FCHSD2: variants seen among roughly 807,000 people sequenced by gnomAD.
The protein encoded by FCHSD2 is FCH and double SH3 domains 2, also known as F-BAR and double SH3 domains protein 2.
Under a neutral mutation model 108.1 loss-of-function variants are expected in FCHSD2, and 38 were observed. That is an observed-to-expected ratio of 0.35 (90% CI 0.27 to 0.46). FCHSD2 has a LOEUF of 0.46. Among genes scored for constraint, FCHSD2 ranks in the 20% least tolerant of loss-of-function variants. The pLI, the probability that FCHSD2 is intolerant of heterozygous loss-of-function variation, is 1.00. For missense variants in FCHSD2, 751 were observed against 897.8 expected (o/e 0.84, Z 2.09); for synonymous variants, 279 against 314.7 (o/e 0.89, Z 1.20).
intron 2 of FCHSD2, among the ~76,000 whole-genome samples, chr11:73,114,783 G>A (rs909695209): frequency 6.6e-6 from 1 of 152,028 alleles, no homozygotes; most frequent in Non-Finnish European, 1.5e-5. Flanking sequence ...TGGTTGAGCT[G>A]GTATCCAAGA....
At chr11:72,937,996 T>C (rs1856337087) in intron 8 of FCHSD2, among the ~76,000 whole-genome samples, 1 of 152,182 alleles carries the variant, frequency 6.6e-6, no homozygotes, top group Admixed American at 6.5e-5. Flanking sequence ...AGAATAATGC[T>C]GGCTGGAGTC....
At chr11:73,019,662 C>T (rs956014977) in intron 3 of FCHSD2, among the ~76,000 whole-genome samples, 2 of 152,148 alleles carry the variant, frequency 1.3e-5, no homozygotes, top group African/African-American at 2.4e-5. Context: ...ATCATGACTT[C>T]TGTGTACTCC....
At chr11:72,929,233 T>C (rs1490268006) in intron 8 of FCHSD2, among the ~76,000 whole-genome samples, 2 of 152,226 alleles carry the variant, frequency 1.3e-5, no homozygotes, top group Non-Finnish European at 2.9e-5. Flanking sequence ...TTTGGGTATA[T>C]ACCCAGTAAT....
At chr11:73,076,906 C>T (rs1859566817) in intron 3 of FCHSD2, among the ~76,000 whole-genome samples, 2 of 151,784 alleles carry the variant, frequency 1.3e-5, no homozygotes, top group African/African-American at 2.4e-5. Context: ...GTCAGGAGAT[C>T]GAGACCAACC....
chr11:73,022,524 C>A (rs932747959), intron 3 of FCHSD2, among the ~76,000 whole-genome samples: 2 of 152,108 alleles, frequency 1.3e-5, no homozygotes, highest in African/African-American at 4.8e-5. Context: ...GTATAAATCC[C>A]ACAAAATGTT....
intron 3 of FCHSD2, among the ~76,000 whole-genome samples, chr11:73,072,427 T>A (rs568786982): frequency 5.6e-4 from 85 of 152,246 alleles, no homozygotes; most frequent in African/African-American, 1.9e-3. Flanking sequence ...TGAAGTTTTT[T>A]AAAACTTCCT....
chr11:73,030,454 G>A (rs1439457298), intron 3 of FCHSD2, among the ~76,000 whole-genome samples: 1 of 151,940 alleles, frequency 6.6e-6, no homozygotes, highest in African/African-American at 2.4e-5. Context: ...TAGTTTTTAC[G>A]CCAACCAGGA....
intron 8 of FCHSD2, among the ~76,000 whole-genome samples, chr11:72,969,354 G>C (rs1227356788): frequency 6.6e-6 from 1 of 152,218 alleles, no homozygotes; most frequent in East Asian, 1.9e-4. Flanking sequence ...AATCGGATTA[G>C]AACTGTGCAG....
At chr11:72,908,311 T>A (rs182405550) in intron 9 of FCHSD2, among the ~76,000 whole-genome samples, 2 of 150,464 alleles carry the variant, frequency 1.3e-5, no homozygotes. Flanking sequence ...CTTCTAAATC[T>A]TGGCTATTGT....
At chr11:73,076,360 A>G (rs1424407361) in intron 3 of FCHSD2, among the ~76,000 whole-genome samples, 1 of 152,244 alleles carries the variant, frequency 6.6e-6, no homozygotes, top group Non-Finnish European at 1.5e-5. Context: ...CTACTCACCA[A>G]TAAAAAGGAA....
chr11:72,945,261 T>TA (rs1856497578), intron 8 of FCHSD2, among the ~76,000 whole-genome samples: 1 of 152,166 alleles, frequency 6.6e-6, no homozygotes, highest in East Asian at 1.9e-4. Flanking sequence ...TACAACTATC[T>TA]GATCTTTGAC....
At chr11:72,980,675 G>GTGTA (rs370601705) in intron 8 of FCHSD2, among the ~76,000 whole-genome samples, 16 of 144,072 alleles carry the variant, frequency 1.1e-4, no homozygotes, top group Admixed American at 4.9e-4. Flanking sequence ...GTGTGTGTGT[G>GTGTA]TATATATATA....
chr11:73,021,570 AGAAG>A (rs1299147048), intron 3 of FCHSD2, among the ~76,000 whole-genome samples: 1 of 152,150 alleles, frequency 6.6e-6, no homozygotes, highest in Non-Finnish European at 1.5e-5. Context: ...GATGGAAGCT[AGAAG>A]GAAGGAGAGG....
chr11:72,846,616 A>G (rs181251366), intron 14 of FCHSD2, among the ~76,000 whole-genome samples: 20 of 152,320 alleles, frequency 1.3e-4, no homozygotes, highest in Admixed American at 1.3e-3. Flanking sequence ...CCAACTAAAG[A>G]CAGTGAGCAG....
chr11:72,916,968 CTTTTTTTTTTTTT>C (rs71062793), intron 9 of FCHSD2, among the ~76,000 whole-genome samples: 5 of 118,776 alleles, frequency 4.2e-5, no homozygotes, highest in African/African-American at 1.6e-4. Flanking sequence ...GAACTTCATT[CTTTTTTTTTTTTT>C]TTTTTTTTTT....
At chr11:72,988,459 T>C (rs1192768739) in intron 6 of FCHSD2, among the ~76,000 whole-genome samples, 6 of 152,202 alleles carry the variant, frequency 3.9e-5, no homozygotes, top group African/African-American at 7.2e-5. Flanking sequence ...AAATTATGTA[T>C]ATATACACTA....
At chr11:72,994,496 GTGA>G (rs1353595438) in intron 5 of FCHSD2, among the ~76,000 whole-genome samples, 1 of 152,164 alleles carries the variant, frequency 6.6e-6, no homozygotes, top group Non-Finnish European at 1.5e-5. Flanking sequence ...CGGCAAGGAT[GTGA>G]TGATACCATT....
chr11:72,859,925 A>T (rs528335100), intron 13 of FCHSD2, among the ~76,000 whole-genome samples: 8 of 152,160 alleles, frequency 5.3e-5, no homozygotes, highest in Non-Finnish European at 1.0e-4. Context: ...AGCTGTCCCC[A>T]ATCTTTTAGG....
chr11:72,942,093 T>C (rs1489289130), intron 8 of FCHSD2, among the ~76,000 whole-genome samples: 1 of 152,204 alleles, frequency 6.6e-6, no homozygotes, highest in Admixed American at 6.5e-5. Context: ...GAGGTGGGCC[T>C]AGCAGGGGGT....
Sources: allele counts gnomAD v4.1 joint callset (sites outside exome capture counted in the v4.1 genomes callset), GRCh38; gene constraint gnomAD v4.1.1; transcripts MANE v1.5; gene names NCBI Gene and HGNC (gene_info 2026-07-23, HGNC 2026-07-21).